Variants in CDH13 observed in about 807,000 individuals in gnomAD.
CDH13 encodes the protein cadherin 13.
CDH13 carries 24 observed loss-of-function variants against 63.8 expected under a neutral mutation model. The observed-to-expected ratio is 0.38, with a 90% CI of 0.27 to 0.53. The LOEUF (loss-of-function observed/expected upper bound fraction) is 0.53. Ranked by LOEUF, CDH13 falls within the 20% of genes least tolerant of loss-of-function variation. The probability of loss-of-function intolerance (pLI) is 0.85; values close to 1 mark genes in which losing one functional copy is unlikely to be tolerated. For missense variants in CDH13, 1,049 were observed against 903.1 expected (o/e 1.16, Z -2.07); for synonymous variants, 503 against 355.3 (o/e 1.42, Z -4.67).
intron 5 of CDH13, among the ~76,000 whole-genome samples, chr16:83,256,758 T>TGAGGCTGAGGCTGA (rs1431494382): frequency 2.4e-4 from 33 of 139,846 alleles, no homozygotes; most frequent in African/African-American, 7.8e-4. Flanking sequence ...GGCAGGAGAA[T>TGAGGCTGAGGCTGA]GGCATGAACC....
intron 1 of CDH13, among the ~76,000 whole-genome samples, chr16:82,843,543 T>C (rs997637463): frequency 6.6e-6 from 1 of 152,198 alleles, no homozygotes; most frequent in Non-Finnish European, 1.5e-5. Flanking sequence ...TCTTTTCTTC[T>C]AGAACTTTTC....
At chr16:83,597,980 T>G (rs1437080524) in intron 7 of CDH13, among the ~76,000 whole-genome samples, 7 of 152,356 alleles carry the variant, frequency 4.6e-5, no homozygotes, top group African/African-American at 1.7e-4. Flanking sequence ...AGAAAGAGAC[T>G]TGTTTTTTGA....
Position 83,473,816 on chromosome 16 carries a change from A to T in CDH13, c.782-12661A>T, listed in dbSNP as rs368464532. On this transcript the variant is annotated intron_variant, in intron 6 of 13. Coordinates refer to ENST00000567109, the MANE Select transcript of CDH13 (RefSeq NM_001257.5). ...CTCGTCTCAGCCACTTACCAGCTAG[A>T]TAACTGAGGTGATGGGCAAGCGGCT... 1.4e-3 allele frequency among the ~76,000 whole-genome samples: 216 copies of T among 152,278 alleles called. 1 individual carries two copies. The highest frequency in any genetic ancestry group is 5.0e-3 in the African/African-American group (208 of 41,544).
intron 1 of CDH13, among the ~76,000 whole-genome samples, chr16:82,683,199 T>G (rs932238466): frequency 6.6e-6 from 1 of 152,210 alleles, no homozygotes; most frequent in African/African-American, 2.4e-5. Context: ...CTTCCCTGTC[T>G]CAGCCCGGGG....
intron 5 of CDH13, among the ~76,000 whole-genome samples, chr16:83,260,719 C>G (rs1293616018): frequency 6.6e-6 from 1 of 152,180 alleles, no homozygotes; most frequent in African/African-American, 2.4e-5. Flanking sequence ...ACAGCCCCAT[C>G]CAGTAATGCC....
In CDH13 at chr16:83,573,191, T is replaced by C. The variant is rs115273115; in HGVS notation, c.961-29263T>C. Among the ~76,000 whole-genome samples the C allele has an allele frequency of 8.3e-3, 1,264 of 152,244 alleles. 18 individuals carry two copies. The highest frequency in any genetic ancestry group is 0.029 in the African/African-American group (1,185 of 41,538). ...CTGAAAGAACCTTGAATCATTGAAT[T>C]TGGGGAGGTAGGGAGGAAGGTTGGA... is the stretch of plus-strand genomic sequence containing the variant. On this transcript the variant is annotated intron_variant, in intron 7 of 13. Coordinates refer to ENST00000567109, the MANE Select transcript of CDH13 (RefSeq NM_001257.5).
At chr16:83,145,488 C>T (rs988581283) in intron 4 of CDH13, among the ~76,000 whole-genome samples, 3 of 152,198 alleles carry the variant, frequency 2.0e-5, no homozygotes, top group African/African-American at 7.2e-5. Flanking sequence ...GATGACAATG[C>T]AGTCATTATT....
intron 2 of CDH13, among the ~76,000 whole-genome samples, chr16:82,876,788 C>T (rs189954027): frequency 1.3e-5 from 2 of 152,300 alleles, no homozygotes; most frequent in Non-Finnish European, 2.9e-5. Context: ...AGCCCATTCC[C>T]TAAACTAGGG....
chr16:83,529,503 G>C (rs1050676115), intron 7 of CDH13, among the ~76,000 whole-genome samples: 2 of 152,052 alleles, frequency 1.3e-5, no homozygotes, highest in Non-Finnish European at 2.9e-5. Flanking sequence ...AAAAATAACT[G>C]ATAATATCTA....
rs778200709 is a variant in CDH13 at position 83,799,518 on chromosome 16, T to G, written c.*4488T>G. ...TGTAAAGGTAGCCCATAAATCTGTT[T>G]ACGTGTAGCTGCCTTAAACATGAGT... is the stretch of plus-strand genomic sequence containing the variant. On this transcript the variant is annotated 3_prime_UTR_variant, in exon 14 of 14. Transcript: ENST00000567109. 1 of 152,094 alleles carries G rather than the reference T, an allele frequency of 6.6e-6. No individual in the cohort carries two copies. The highest frequency in any genetic ancestry group is 1.5e-5 in the Non-Finnish European group (1 of 68,020). The allele number at this position is 152,094 out of a possible 1,614,324, so 9.4% of individuals were successfully genotyped here.
At chr16:83,679,121 A>G (rs560172595) in intron 10 of CDH13, among the ~76,000 whole-genome samples, 17 of 147,050 alleles carry the variant, frequency 1.2e-4, no homozygotes, top group African/African-American at 4.3e-4. Flanking sequence ...GTCTTCAGAA[A>G]TTTCTGTCTT....
chr16:82,885,725 T>C (rs4783292), intron 2 of CDH13, among the ~76,000 whole-genome samples: 114,368 of 152,072 alleles, frequency 0.75, 43,269 homozygotes, highest in East Asian at 0.89. Context: ...CAGTGAATCA[T>C]TTTGTGCATT....
At chr16:83,463,851 A>G (rs2073241616) in intron 6 of CDH13, among the ~76,000 whole-genome samples, 1 of 152,144 alleles carries the variant, frequency 6.6e-6, no homozygotes, top group African/African-American at 2.4e-5. Context: ...ATTCTGTTTC[A>G]TAGGCCAGGT....
chr16:83,492,740 G>C (rs182184096), intron 7 of CDH13, among the ~76,000 whole-genome samples: 38 of 152,224 alleles, frequency 2.5e-4, no homozygotes, highest in Admixed American at 2.2e-3. Flanking sequence ...GATGGCAATG[G>C]GGATTGGTGG....
intron 1 of CDH13, among the ~76,000 whole-genome samples, chr16:82,691,800 G>T (rs1468342657): frequency 1.3e-5 from 2 of 152,114 alleles, no homozygotes; most frequent in East Asian, 1.9e-4. Context: ...AGGAGGCACT[G>T]GTTCTTAAAT....
At chr16:83,028,369 T>A (rs1362975173) in intron 2 of CDH13, among the ~76,000 whole-genome samples, 2 of 152,196 alleles carry the variant, frequency 1.3e-5, no homozygotes. Context: ...AGTCCACTTG[T>A]GTGTCCATGC....
chr16:83,165,122 T>TTTCC (rs1291485886), intron 4 of CDH13, among the ~76,000 whole-genome samples: 3 of 150,540 alleles, frequency 2.0e-5, no homozygotes, highest in South Asian at 2.1e-4. Flanking sequence ...TAAGGGGTTG[T>TTTCC]CCTGTAAGAA....
At chr16:83,124,316 G>A (rs2035718196) in intron 3 of CDH13, among the ~76,000 whole-genome samples, 1 of 152,162 alleles carries the variant, frequency 6.6e-6, no homozygotes. Context: ...AAAGTGCTGG[G>A]ATTATAGGTG....
intron 1 of CDH13, among the ~76,000 whole-genome samples, chr16:82,686,456 T>A (rs1230691436): frequency 6.6e-6 from 1 of 152,144 alleles, no homozygotes; most frequent in African/African-American, 2.4e-5. Context: ...GGAGATTGTA[T>A]GGGAGAGGAA....
Sources: gnomAD v4.1 joint callset for allele counts (sites outside exome capture counted in the v4.1 genomes callset) on GRCh38, gnomAD v4.1.1 for gene constraint, MANE v1.5 for transcripts, NCBI Gene and HGNC (gene_info 2026-07-23, HGNC 2026-07-21) for gene names.